The following CATSPERE variants were observed in gnomAD, a reference collection of about 807,000 sequenced individuals.
CATSPERE encodes the protein cation channel sperm-associated auxiliary subunit epsilon.
In CATSPERE, 93 loss-of-function variants were observed where a neutral mutation model predicts 114.1. That is an observed-to-expected ratio of 0.81 (90% CI 0.69 to 0.97). The LOEUF (loss-of-function observed/expected upper bound fraction) is 0.97. Among genes scored for constraint, CATSPERE ranks in the 50% least tolerant of loss-of-function variants. The pLI is 0.00. For missense variants in CATSPERE, 1,058 were observed against 1,131.6 expected (o/e 0.93, Z 0.93); for synonymous variants, 341 against 384.1 (o/e 0.89, Z 1.31).
At chr1:244,503,669 T>C (rs996632030) in intron 7 of CATSPERE, among the ~76,000 whole-genome samples, 5 of 152,206 alleles carry the variant, frequency 3.3e-5, no homozygotes, top group African/African-American at 1.2e-4. Flanking sequence ...CATGGCTCAC[T>C]GCAGCCTCAG....
intron 21 of CATSPERE, among the ~76,000 whole-genome samples, chr1:244,637,935 C>T (rs1019787935): frequency 1.3e-5 from 2 of 152,224 alleles, no homozygotes; most frequent in Middle Eastern, 3.2e-3. Context: ...ATCCTCTCCT[C>T]TTTCCGTCCT....
chr1:244,506,759 T>G (rs1457481129), intron 7 of CATSPERE, among the ~76,000 whole-genome samples: 1 of 152,172 alleles, frequency 6.6e-6, no homozygotes, highest in East Asian at 1.9e-4. Context: ...ATCTTTTTTT[T>G]TGTGCTGAGA....
At chr1:244,461,092 C>T (rs1321294286), upstream of CATSPERE, among the ~76,000 whole-genome samples, 1 of 83,644 alleles carries the variant, frequency 1.2e-5, no homozygotes, top group Non-Finnish European at 2.4e-5. Flanking sequence ...TTTTTCTTTC[C>T]TTCCTCCTTC....
chr1:244,552,309 T>G lies in CATSPERE; in HGVS notation c.537-13T>G, dbSNP rs754345667. On this transcript the variant is annotated splice_polypyrimidine_tract_variant and intron_variant, in intron 8 of 21. Coordinates refer to ENST00000366534, the MANE Select transcript of CATSPERE (RefSeq NM_001130957.2). ...AGAGAGATCATTTTATTCTCTTTTC[T>G]TTCTCTTCTTAGGACCTGGCGTATT... The G allele has an allele frequency of 2.3e-5, 36 of 1,579,840 alleles. No individual in the cohort carries two copies. The highest frequency in any genetic ancestry group is 3.0e-5 in the Non-Finnish European group (35 of 1,165,804).
chr1:244,615,467 C>T lies in CATSPERE; in HGVS notation c.2491-2062C>T, dbSNP rs114898058. 2.1e-3 allele frequency among the ~76,000 whole-genome samples: 315 copies of T among 151,602 alleles called. 2 individuals carry two copies. Among genetic ancestry groups the T allele is most frequent in the African/African-American group, 7.2e-3 (297 of 41,296 alleles). ...GTCATTATGCAAACATCACAGAGAG[C>T]ACTTACACAAACGTAGGCGGTGTAG... On this transcript the variant is annotated intron_variant, in intron 19 of 21. Coordinates refer to ENST00000366534, the MANE Select transcript of CATSPERE (RefSeq NM_001130957.2).
chr1:244,613,732 C>T (rs1671021976), intron 19 of CATSPERE, among the ~76,000 whole-genome samples: 1 of 152,124 alleles, frequency 6.6e-6, no homozygotes, highest in African/African-American at 2.4e-5. Flanking sequence ...CTTCAAAAAT[C>T]CTTCCCTGGA....
intron 6 of CATSPERE, among the ~76,000 whole-genome samples, chr1:244,497,406 C>CA (rs535409873): frequency 0.012 from 1,711 of 147,630 alleles, 43 homozygotes; most frequent in African/African-American, 0.04. Flanking sequence ...AACAATCCAA[C>CA]AAAAAAAAAA....
chr1:244,555,026 A>G (rs995761002), intron 9 of CATSPERE, among the ~76,000 whole-genome samples: 2 of 152,192 alleles, frequency 1.3e-5, no homozygotes, highest in Non-Finnish European at 2.9e-5. Context: ...AAGGACAAAC[A>G]CCATATGATC....
At chr1:244,455,527 G>A (rs1476561380) in intron 1 of CATSPERE, among the ~76,000 whole-genome samples, 2 of 150,760 alleles carry the variant, frequency 1.3e-5, no homozygotes, top group Non-Finnish European at 3.0e-5. Flanking sequence ...TTTAAAGAGC[G>A]CTATGGTTAA....
chr1:244,581,575 C>T (rs938735571), intron 11 of CATSPERE, among the ~76,000 whole-genome samples: 2 of 152,128 alleles, frequency 1.3e-5, no homozygotes, highest in African/African-American at 4.8e-5. Flanking sequence ...CCACTATGTA[C>T]ATTAATATTT....
chr1:244,456,293 G>T (rs879324616), upstream of CATSPERE, among the ~76,000 whole-genome samples: 4 of 151,968 alleles, frequency 2.6e-5, no homozygotes, highest in Non-Finnish European at 4.4e-5. Context: ...TCAGCTGCTT[G>T]TTTGGCCCTA....
intron 6 of CATSPERE, among the ~76,000 whole-genome samples, chr1:244,494,518 G>A (rs915596559): frequency 6.7e-6 from 1 of 150,174 alleles, no homozygotes; most frequent in African/African-American, 2.5e-5. Flanking sequence ...CGAGTTAATG[G>A]GTGCAGCACA....
intron 8 of CATSPERE, among the ~76,000 whole-genome samples, chr1:244,544,864 T>C (rs934536245): frequency 3.3e-5 from 5 of 152,254 alleles, no homozygotes; most frequent in East Asian, 1.9e-4. Context: ...TTTGCAGTTA[T>C]TGATCTGGCA....
chr1:244,457,889 T>C (rs1306770747), upstream of CATSPERE, among the ~76,000 whole-genome samples: 1 of 152,208 alleles, frequency 6.6e-6, no homozygotes, highest in African/African-American at 2.4e-5. Context: ...AAATGTGTTA[T>C]TGGTATATGT....
rs189230425 is a variant in CATSPERE, at chr1:244,626,735, C to T, written c.2649-8754C>T. On this transcript the variant is annotated intron_variant, in intron 20 of 21. Transcript: ENST00000366534. ...CTCCTAGCTTCAAACCTTCCTTCTG[C>T]AGCTTCTTCACCTCCCTCAGCCTTC... Among the ~76,000 whole-genome samples, 8 of 152,322 alleles carry T rather than the reference C, an allele frequency of 5.3e-5. No individual in the cohort carries two copies. The East Asian group carries it at 1.2e-3, about 22-fold the overall frequency.
At chr1:244,459,845 A>T (rs1666502812), upstream of CATSPERE, among the ~76,000 whole-genome samples, 1 of 152,178 alleles carries the variant, frequency 6.6e-6, no homozygotes, top group Non-Finnish European at 1.5e-5. Flanking sequence ...CAACTCTTGG[A>T]AACTCAACCA....
rs1278993050 is a variant in CATSPERE, at chr1:244,593,549, C to A, written c.2274C>A (p.Phe758Leu). Residue 758 changes from phenylalanine (F) to leucine (L), a missense_variant, in exon 17 of 22, where the codon TTC becomes TTA. Physicochemically the swap from Phe to Leu is conservative, Grantham distance 22. Coordinates refer to ENST00000366534, the MANE Select transcript of CATSPERE (RefSeq NM_001130957.2). ...GEYGCPLRLDFTEKFQPVVQL... is the reference protein window; with the variant it reads ...GEYGCPLRLDLTEKFQPVVQL... ...ATGGCTGCCCTCTGAGGCTTGACTT[C>A]ACAGAAAAGTTTCAACCTGTGGTTC... The A allele has an allele frequency of 6.2e-7, 1 of 1,613,832 alleles. No individual in the cohort carries two copies. Among genetic ancestry groups the A allele is most frequent in the African/African-American group, 1.3e-5 (1 of 74,902 alleles).
At chr1:244,497,011 T>G (rs1466993548) in intron 6 of CATSPERE, among the ~76,000 whole-genome samples, 1 of 152,176 alleles carries the variant, frequency 6.6e-6, no homozygotes. Flanking sequence ...TTTAGATAAG[T>G]GGGTAGTCAC....
intron 17 of CATSPERE, among the ~76,000 whole-genome samples, chr1:244,595,055 T>C (rs1442665957): frequency 6.6e-6 from 1 of 152,180 alleles, no homozygotes; most frequent in African/African-American, 2.4e-5. Flanking sequence ...GTTTATGTAA[T>C]GCTTAACCTG....
Sources: gnomAD v4.1 joint callset for allele counts (sites outside exome capture counted in the v4.1 genomes callset) on GRCh38, gnomAD v4.1.1 for gene constraint, MANE v1.5 for transcripts, NCBI Gene and HGNC (gene_info 2026-07-23, HGNC 2026-07-21) for gene names.